IFT81: variants seen among roughly 807,000 people sequenced by gnomAD.
IFT81 encodes the protein intraflagellar transport 81.
In IFT81, 72 loss-of-function variants were observed where a neutral mutation model predicts 102.6. The observed-to-expected ratio is 0.70, with a 90% CI of 0.58 to 0.85. IFT81 has a LOEUF of 0.85. Ranked by LOEUF, IFT81 falls within the 40% of genes least tolerant of loss-of-function variation. The probability of loss-of-function intolerance (pLI) is 0.00; values close to 1 mark genes in which losing one functional copy is unlikely to be tolerated. For synonymous variants in IFT81, 237 were observed against 242.7 expected, an observed-to-expected ratio of 0.98 and a Z score of 0.22; for missense variants, 723 against 787.3, an observed-to-expected ratio of 0.92 and a Z score of 0.98.
intron 11 of IFT81, among the ~76,000 whole-genome samples, chr12:110,169,491 T>C (rs945353814): frequency 1.3e-5 from 2 of 152,076 alleles, no homozygotes; most frequent in Non-Finnish European, 2.9e-5. Flanking sequence ...GAAAGCCAAA[T>C]TAGGACCAAT....
intron 13 of IFT81, among the ~76,000 whole-genome samples, chr12:110,191,254 T>A (rs146316844): frequency 6.6e-6 from 1 of 151,976 alleles, no homozygotes; most frequent in African/African-American, 2.4e-5. Context: ...CACTGTAACA[T>A]CCACCTCTGG....
intron 14 of IFT81, among the ~76,000 whole-genome samples, chr12:110,196,282 G>A (rs966051312): frequency 2.6e-4 from 40 of 152,186 alleles, no homozygotes; most frequent in African/African-American, 9.4e-4. Context: ...ACTTTGGGAG[G>A]CGAAGGCGGG....
At chr12:110,202,046 TTTA>T (rs1367960304) in intron 14 of IFT81, among the ~76,000 whole-genome samples, 7 of 152,204 alleles carry the variant, frequency 4.6e-5, no homozygotes, top group Non-Finnish European at 8.8e-5. Context: ...AACATAGTAG[TTTA>T]TTATCATCAA....
intron 8 of IFT81, among the ~76,000 whole-genome samples, chr12:110,139,847 TAAATAAAATAAAATAAAATATAAAATA>T: frequency 8.4e-6 from 1 of 118,866 alleles, no homozygotes; most frequent in East Asian, 2.1e-4. Context: ...TAAAATAAAA[TAAATAAAATAAAATAAAATATAAAATA>T]AAATAAAATA....
Position 110,175,349 on chromosome 12 carries a change from C to T in IFT81, c.1189-5073C>T, listed in dbSNP as rs116730848. Among the ~76,000 whole-genome samples the T allele has an allele frequency of 1.6e-3, 242 of 152,246 alleles. 1 individual carries two copies. Among genetic ancestry groups the T allele is most frequent in the African/African-American group, 4.8e-3 (198 of 41,544 alleles). On this transcript the variant is annotated intron_variant, in intron 11 of 18. Coordinates refer to ENST00000242591, the MANE Select transcript of IFT81 (RefSeq NM_014055.4). ...TGGCACACTCACAATATTTGTGGCA[C>T]GTGCATGTACCAGAGCATACCCCAT...
At chr12:110,148,367 T>G (rs61940947) in intron 10 of IFT81, among the ~76,000 whole-genome samples, 8,027 of 152,210 alleles carry the variant, frequency 0.053, 288 homozygotes, top group Middle Eastern at 0.078. Context: ...GTGATAATGC[T>G]CGGTTGTCTG....
chr12:110,165,347 A>C (rs952332507), intron 11 of IFT81, among the ~76,000 whole-genome samples: 13 of 152,234 alleles, frequency 8.5e-5, no homozygotes, highest in Non-Finnish European at 1.5e-4. Flanking sequence ...TATATTTAAA[A>C]TTATATAATA....
At chr12:110,181,718 CTAACTA>C (rs1172539255) in intron 12 of IFT81, among the ~76,000 whole-genome samples, 3 of 152,156 alleles carry the variant, frequency 2.0e-5, no homozygotes, top group Non-Finnish European at 2.9e-5. Flanking sequence ...TTAAAAATCT[CTAACTA>C]TAATTATGGC....
At chr12:110,186,791 A>G (rs1897553536) in intron 12 of IFT81, among the ~76,000 whole-genome samples, 2 of 152,066 alleles carry the variant, frequency 1.3e-5, no homozygotes, top group Non-Finnish European at 2.9e-5. Context: ...TTGCCTCCCA[A>G]GGCTGGGCTT....
chr12:110,128,026 T>A lies in IFT81; in HGVS notation c.145-20T>A, dbSNP rs375278894. 396 of 1,538,244 alleles carry A rather than the reference T, an allele frequency of 2.6e-4. 2 individuals carry two copies. Among genetic ancestry groups the A allele is most frequent in the South Asian group, 8.5e-4 (76 of 89,188 alleles). ...GTTACATATACAACAATAACATGTT[T>A]TTTTCAATTTCTTTGTTAGCAACTT... is the stretch of plus-strand genomic sequence containing the variant. On this transcript the variant is annotated intron_variant, in intron 2 of 18. Transcript: ENST00000242591.
chr12:110,130,676 C>T (rs1894110687), intron 4 of IFT81, among the ~76,000 whole-genome samples: 1 of 151,780 alleles, frequency 6.6e-6, no homozygotes. Context: ...CTGATTAAGT[C>T]TTTGCTAAAT....
intron 4 of IFT81, among the ~76,000 whole-genome samples, chr12:110,131,098 C>T (rs1468456418): frequency 2.0e-5 from 3 of 151,958 alleles, no homozygotes; most frequent in Non-Finnish European, 4.4e-5. Context: ...GCCTGGGCAA[C>T]ATGGTGAAAC....
chr12:110,211,646 T>A (rs1410965819), intron 18 of IFT81, among the ~76,000 whole-genome samples: 1 of 151,982 alleles, frequency 6.6e-6, no homozygotes, highest in Admixed American at 6.6e-5. Flanking sequence ...TGTTTTTTTT[T>A]AATGATAGAA....
intron 10 of IFT81, among the ~76,000 whole-genome samples, chr12:110,151,108 A>G (rs1050930888): frequency 6.6e-6 from 1 of 152,108 alleles, no homozygotes; most frequent in Non-Finnish European, 1.5e-5. Flanking sequence ...TGCAACCATC[A>G]CCACAATCAA....
At chr12:110,193,179 A>G (rs1897869881) in intron 14 of IFT81, among the ~76,000 whole-genome samples, 1 of 152,128 alleles carries the variant, frequency 6.6e-6, no homozygotes, top group Admixed American at 6.6e-5. Flanking sequence ...CTCCCCCCAA[A>G]AATGACTTGC....
At chr12:110,136,313 T>C (rs945144010) in intron 7 of IFT81, among the ~76,000 whole-genome samples, 1 of 152,246 alleles carries the variant, frequency 6.6e-6, no homozygotes, top group African/African-American at 2.4e-5. Context: ...TACTACTAAA[T>C]CAGCAGTTTA....
At chr12:110,125,520 A>G (rs191236505) in intron 1 of IFT81, among the ~76,000 whole-genome samples, 1,594 of 152,130 alleles carry the variant, frequency 0.01, 23 homozygotes, top group Non-Finnish European at 0.015. Flanking sequence ...TCAGCCTCCC[A>G]AGTAGCTGGG....
intron 8 of IFT81, among the ~76,000 whole-genome samples, chr12:110,139,403 A>G (rs906586929): frequency 3.3e-5 from 5 of 151,532 alleles, no homozygotes; most frequent in Non-Finnish European, 7.4e-5. Flanking sequence ...GGTATGGTTC[A>G]GCGACTCACA....
intron 11 of IFT81, among the ~76,000 whole-genome samples, chr12:110,163,468 C>T (rs762308429): frequency 1.3e-5 from 2 of 151,996 alleles, no homozygotes; most frequent in African/African-American, 2.4e-5. Flanking sequence ...CTTGAACTCC[C>T]GACCTTGGGT....
Sources: gnomAD v4.1 joint callset for allele counts (sites outside exome capture counted in the v4.1 genomes callset) on GRCh38, gnomAD v4.1.1 for gene constraint, MANE v1.5 for transcripts, NCBI Gene and HGNC (gene_info 2026-07-23, HGNC 2026-07-21) for gene names.